CASP14: variants seen among roughly 807,000 people sequenced by gnomAD.
CASP14 encodes the protein caspase 14, also known as caspase-14.
Under a neutral mutation model 28.4 loss-of-function variants are expected in CASP14, and 27 were observed. That is an observed-to-expected ratio of 0.95 (90% confidence interval 0.70 to 1.31). The LOEUF (loss-of-function observed/expected upper bound fraction) is 1.31, where lower values mean the gene tolerates loss of function less well. Among genes scored for constraint, CASP14 ranks in the 50% most tolerant of loss-of-function variants. CASP14 has a pLI of 0.00. For missense variants in CASP14, 323 were observed against 312.8 expected, an observed-to-expected ratio of 1.03 and a Z score of -0.25; for synonymous variants, 115 against 118.6, an observed-to-expected ratio of 0.97 and a Z score of 0.20.
chr19:15,054,111 A>C (rs1185019231), intron 4 of CASP14, among the ~76,000 whole-genome samples, 153 bp downstream of exon 4: 1 of 151,832 alleles, frequency 6.6e-6, no homozygotes, highest in Non-Finnish European at 1.5e-5. Flanking sequence ...CAGCCTCCTG[A>C]GTAGCTGAGA....
At chr19:15,052,936 C>T (rs1156429978) in intron 2 of CASP14, among the ~76,000 whole-genome samples, 1 of 152,094 alleles carries the variant, frequency 6.6e-6, no homozygotes, top group East Asian at 1.9e-4. Context: ...ATAAAGGACA[C>T]CCAATTCAAT....
chr19:15,052,078 C>G, intron 1 of CASP14, 128 bp from the exon 2 acceptor site: 1 of 618,842 alleles, frequency 1.6e-6, no homozygotes, highest in South Asian at 2.0e-5. Context: ...CCAGATCTGT[C>G]CACAGACCAA....
In CASP14 at chr19:15,053,967, A is replaced by T. The variant is rs2046104214; in HGVS notation, c.403+9A>T. ...ACAGGCCTGTCGAGGAGGTGGGGACAGATCCAAGAGCACAGAGTCTGTGGT... is the reference window on the plus strand; with the variant it reads ...ACAGGCCTGTCGAGGAGGTGGGGACTGATCCAAGAGCACAGAGTCTGTGGT... On this transcript the variant is annotated intron_variant, in intron 4 of 6. Transcript: ENST00000427043. 1 of 1,605,154 alleles carries T rather than the reference A, an allele frequency of 6.2e-7. No individual in the cohort carries two copies. The highest frequency in any genetic ancestry group is 1.3e-5 in the African/African-American group (1 of 74,668).
Position 15,055,429 on chromosome 19 carries a change from G to A in CASP14, c.521-1G>A. On this transcript the variant is annotated splice_acceptor_variant, in intron 5 of 6. Coordinates refer to ENST00000427043, the MANE Select transcript of CASP14 (RefSeq NM_012114.3). LOFTEE classifies it high-confidence loss of function. ...CGAACCCACCTCTCTGGAATTCCCA[G>A]GATACATCGCCTACCGACATGATCA... The A allele has an allele frequency of 6.2e-7, 1 of 1,613,844 alleles. No individual in the cohort carries two copies. Among genetic ancestry groups the A allele is most frequent in the Non-Finnish European group, 8.5e-7 (1 of 1,179,828 alleles).
chr19:15,050,309 A>AGT (rs765633046), intron 1 of CASP14, among the ~76,000 whole-genome samples: 2,137 of 67,848 alleles, frequency 0.031, 42 homozygotes, highest in African/African-American at 0.078. Context: ...TGTGTGTGTG[A>AGT]GTGTGTGTGT....
Position 15,052,161 on chromosome 19 carries a change from G to A in CASP14, c.-46-45G>A, listed in dbSNP as rs147576954. ...AGCCAGTTTGTCCCCTGAGCCCCTC[G>A]GCCTCCCTTTAGAGAACTTTAACCT... On this transcript the variant is annotated intron_variant, in intron 1 of 6. Transcript: ENST00000427043. 6.8e-4 allele frequency: 982 copies of A among 1,435,558 alleles called. 2 individuals carry two copies. In the African/African-American group the frequency reaches 0.013, roughly 19 times the overall value. The allele number at this position is 1,435,558 out of a possible 1,614,324, so 88.9% of individuals were successfully genotyped here.
At position 15,058,010 on chromosome 19, in the gene CASP14, T is replaced by C. The variant is rs2046125487; in HGVS notation, c.*1921T>C. 6.6e-6 allele frequency: 1 copy of C among 152,306 alleles called. No homozygotes were observed. The allele number at this position is 152,306 out of a possible 1,614,324, so 9.4% of individuals were successfully genotyped here. ...AACCCATCTCCCATCTCTTCCACCATGAATTCACTCTTTCAAAAAGGCTAA... is the reference window on the plus strand; with the variant it reads ...AACCCATCTCCCATCTCTTCCACCACGAATTCACTCTTTCAAAAAGGCTAA... On this transcript the variant is annotated 3_prime_UTR_variant, in exon 7 of 7. Transcript: ENST00000427043.
intron 4 of CASP14, among the ~76,000 whole-genome samples, chr19:15,054,696 G>A (rs1301732139): frequency 3.4e-5 from 5 of 148,906 alleles, no homozygotes; most frequent in African/African-American, 1.2e-4. Flanking sequence ...GCTGGAGTGC[G>A]ATGGCACAAT....
At chr19:15,055,635 C>CCTCAG (rs2046113442) in intron 6 of CASP14, 102 bp downstream of exon 6, 2 of 755,898 alleles carry the variant, frequency 2.6e-6, no homozygotes, top group East Asian at 5.3e-5. Flanking sequence ...CCCTCAGCTC[C>CCTCAG]AAATCCAAGC....
At position 15,053,848 on chromosome 19, in the gene CASP14, A is replaced by G. The variant is rs754645667; in HGVS notation, c.293A>G (p.Glu98Gly). The change falls in exon 4 of 7, where the codon GAA becomes GGA. Residue 98 changes from glutamate (E) to glycine (G), a missense_variant. Coordinates refer to ENST00000427043, the MANE Select transcript of CASP14 (RefSeq NM_012114.3). ...AHGREGFLKG[E>G]DGEMVKLENL... ...GGGAGGGAAGGCTTCCTCAAGGGAG[A>G]AGATGGGGAGATGGTCAAGCTGGAG... 3.3e-5 allele frequency: 54 copies of G among 1,614,004 alleles called. 2 individuals carry two copies. In the Middle Eastern group the frequency reaches 2.1e-3, roughly 64 times the overall value.
intron 2 of CASP14, among the ~76,000 whole-genome samples, chr19:15,052,772 A>G (rs2046096631): frequency 6.6e-6 from 1 of 151,084 alleles, no homozygotes; most frequent in Non-Finnish European, 1.5e-5. Context: ...TCCACAAAAT[A>G]CGACAACTGG....
At chr19:15,054,255 G>A (rs2046105466) in intron 4 of CASP14, among the ~76,000 whole-genome samples, 1 of 152,088 alleles carries the variant, frequency 6.6e-6, no homozygotes, top group Non-Finnish European at 1.5e-5. Context: ...CCAAGTCTGT[G>A]TTTTTATCCA....
In CASP14 at chr19:15,055,722, A is replaced by T. The variant is rs76219142; in HGVS notation, c.624+189A>T. Among the ~76,000 whole-genome samples the T allele has an allele frequency of 7.3e-3, 1,105 of 152,306 alleles. 14 individuals are homozygous for T. The highest frequency in any genetic ancestry group is 0.025 in the African/African-American group (1,030 of 41,544). ...TGCAGGGACTCTTAAAAGCCACAGT[A>T]TGGGAGATAAATTTCTATAAACAAA... On this transcript the variant is annotated intron_variant, in intron 6 of 6. Coordinates refer to ENST00000427043, the MANE Select transcript of CASP14 (RefSeq NM_012114.3).
chr19:15,052,603 T>C (rs1197019970), intron 2 of CASP14, among the ~76,000 whole-genome samples: 1 of 152,198 alleles, frequency 6.6e-6, no homozygotes, highest in Non-Finnish European at 1.5e-5. Flanking sequence ...GGGTGCTCAG[T>C]ACGCTGCTTC....
At position 15,055,995 on chromosome 19, in the gene CASP14, G is replaced by T; in HGVS notation, c.635G>T (p.Arg212Leu). Residue 212 changes from arginine to leucine, a missense_variant, in exon 7 of 7, where the codon CGG becomes CTG. Arg to Leu is a moderately radical substitution (Grantham distance 102). Coordinates refer to ENST00000427043, the MANE Select transcript of CASP14 (RefSeq NM_012114.3). ...CACCTGTTGCTGCAGGTGACCCGGC[G>T]GATGGCAGAAGCAGAGCTGGTTCAA... Reference protein sequence around the residue: ...ILELLTEVTRRMAEAELVQEG... With the variant: ...ILELLTEVTRLMAEAELVQEG... 1.2e-6 allele frequency: 2 copies of T among 1,606,478 alleles called. No individual in the cohort carries two copies. Among genetic ancestry groups the T allele is most frequent in the East Asian group, 2.2e-5 (1 of 44,638 alleles).
At position 15,055,460 on chromosome 19, in the gene CASP14, G is replaced by C; in HGVS notation, c.551G>C (p.Gly184Ala). 6.2e-7 allele frequency: 1 copy of C among 1,614,086 alleles called. No individual in the cohort carries two copies. The highest frequency in any genetic ancestry group is 8.5e-7 in the Non-Finnish European group (1 of 1,179,998). ...GYIAYRHDQK[G>A]SCFIQTLVDV... ...ATCGCCTACCGACATGATCAGAAAG[G>C]CTCATGCTTTATCCAGACCCTGGTG... The change falls in exon 6 of 7, where the codon GGC becomes GCC. Residue 184 changes from glycine (G) to alanine (A), a missense_variant. Gly to Ala is a moderately conservative substitution (Grantham distance 60). Transcript: ENST00000427043.
At chr19:15,053,357 C>T in intron 2 of CASP14, 125 bp from the exon 3 acceptor site, 1 of 1,191,070 alleles carries the variant, frequency 8.4e-7, no homozygotes, top group South Asian at 1.4e-5. Context: ...ATCCTCCCAC[C>T]TCGGCCTCCC....
At position 15,053,790 on chromosome 19, in the gene CASP14, G is replaced by C. The variant is rs143520169; in HGVS notation, c.235G>C (p.Val79Leu). Residue 79 changes from valine to leucine, a missense_variant, in exon 4 of 7, where the codon GTC becomes CTC. By Grantham distance (32) the Val-to-Leu change is conservative. Coordinates refer to ENST00000427043, the MANE Select transcript of CASP14 (RefSeq NM_012114.3). ...GGCCATCGATTCCCGGGAAGATCCC[G>C]TCAGTTGTGCCTTCGTGGTACTCAT... is the stretch of plus-strand genomic sequence containing the variant. ...QQAIDSREDP[V>L]SCAFVVLMAH... The C allele has an allele frequency of 1.2e-6, 2 of 1,614,084 alleles. No individual in the cohort carries two copies. The highest frequency in any genetic ancestry group is 1.7e-6 in the Non-Finnish European group (2 of 1,180,028).
chr19:15,050,922 A>G (rs1291223573), intron 1 of CASP14, among the ~76,000 whole-genome samples: 1 of 151,880 alleles, frequency 6.6e-6, no homozygotes, highest in East Asian at 1.9e-4. Context: ...GTTAAATTGG[A>G]TTGATGGATG....
Sources: allele counts gnomAD v4.1 joint callset (sites outside exome capture counted in the v4.1 genomes callset), GRCh38; gene constraint gnomAD v4.1.1; transcripts MANE v1.5; gene names NCBI Gene and HGNC (gene_info 2026-07-23, HGNC 2026-07-21).